FMNL1: variants seen among roughly 807,000 people sequenced by gnomAD.
The protein encoded by FMNL1 is formin-like protein 1.
In FMNL1, 43 loss-of-function variants were observed where a neutral mutation model predicts 121.3. The ratio of observed to expected loss-of-function variants is 0.35; its 90% CI spans 0.28 to 0.46. FMNL1 has a LOEUF of 0.46. Ranked by LOEUF, FMNL1 falls within the 20% of genes least tolerant of loss-of-function variation. The pLI is 1.00. For synonymous variants in FMNL1, 613 were observed against 613.5 expected, an observed-to-expected ratio of 1.00 and a Z score of 0.01; for missense variants, 1,191 against 1,482.4, an observed-to-expected ratio of 0.80 and a Z score of 3.23.
At position 45,241,229 on chromosome 17, in the gene FMNL1, G is replaced by T; in HGVS notation, c.1331G>T (p.Arg444Leu). 6.2e-7 allele frequency: 1 copy of T among 1,614,012 alleles called. No individual in the cohort carries two copies. Among genetic ancestry groups the T allele is most frequent in the Non-Finnish European group, 8.5e-7 (1 of 1,179,984 alleles). ...GCGCGCAAGGAGTTGGAGACCCTGC[G>T]GGTGAGGCTGGGGCGGGTGGTAGGC... is the stretch of plus-strand genomic sequence containing the variant. ...SQARKELETL[R>L]ERFSESTAMG... Residue 444 changes from arginine (R) to leucine (L), a missense_variant and splice_region_variant, in exon 13 of 27, where the codon CGG becomes CTG. By Grantham distance (102) the Arg-to-Leu change is moderately radical. Coordinates refer to ENST00000331495, the MANE Select transcript of FMNL1 (RefSeq NM_005892.4). This position sits in a 1 kb window ranked among gnomAD's most constrained non-coding sequence, Gnocchi z 7.0.
At chr17:45,236,848 A>C (rs2043561618) in intron 7 of FMNL1, among the ~76,000 whole-genome samples, 1 of 152,260 alleles carries the variant, frequency 6.6e-6, no homozygotes, top group Non-Finnish European at 1.5e-5. Flanking sequence ...GTGGTGGCTC[A>C]TATCTGTAAT....
intron 1 of FMNL1, 35 bp downstream of exon 1, chr17:45,222,288 G>T (rs1331986813): frequency 2.6e-6 from 3 of 1,159,994 alleles, no homozygotes; most frequent in Non-Finnish European, 2.1e-6. Flanking sequence ...GGGCGCGGGC[G>T]GGGGGCGGCA....
intron 1 of FMNL1, among the ~76,000 whole-genome samples, chr17:45,228,629 C>G (rs2043377024): frequency 6.6e-6 from 1 of 152,222 alleles, no homozygotes; most frequent in African/African-American, 2.4e-5. Context: ...GTGCCTTGCA[C>G]AGTAGGCATT....
chr17:45,232,327 C>T, intron 2 of FMNL1, 40 bp from the exon 3 acceptor site: 1 of 1,585,788 alleles, frequency 6.3e-7, no homozygotes, highest in South Asian at 1.1e-5. Flanking sequence ...CCTGGGGTAG[C>T]TCTGGCTGGT....
rs2043857198 is a variant in FMNL1 at position 45,247,161 on chromosome 17, C to T, written c.*303C>T. ...CGCCCCTTCCCCCAAATGCTGCTTG[C>T]AGCACCCACCCTAAAGCCCCCTCCA... On this transcript the variant is annotated 3_prime_UTR_variant, in exon 27 of 27. Coordinates refer to ENST00000331495, the MANE Select transcript of FMNL1 (RefSeq NM_005892.4). 1.7e-6 allele frequency: 1 copy of T among 579,802 alleles called. No homozygotes were observed. Among genetic ancestry groups the T allele is most frequent in the Non-Finnish European group, 3.1e-6 (1 of 323,596 alleles). 35.9% of individuals were successfully genotyped at this position (579,802 alleles called of 1,614,324 possible). A position where few individuals can be genotyped will look rare whatever the true frequency, so the allele number is the denominator to read the frequency against.
At chr17:45,234,663 CAAAAAAA>C (rs58221219) in intron 6 of FMNL1, 14 of 69,152 alleles carry the variant, frequency 2.0e-4, no homozygotes, top group South Asian at 5.5e-4. Context: ...GACCCTGTCT[CAAAAAAA>C]AAAAAAAAAA....
intron 25 of FMNL1, 31 bp downstream of exon 25, chr17:45,246,361 C>A: frequency 6.2e-7 from 1 of 1,614,084 alleles, no homozygotes; most frequent in Non-Finnish European, 8.5e-7. Flanking sequence ...TGGTCTTATC[C>A]TCAGTCTGTC....
rs2043455223 is a variant in FMNL1 at position 45,232,285 on chromosome 17, A to G, written c.214-82A>G. On this transcript the variant is annotated intron_variant, in intron 2 of 26. Transcript: ENST00000331495. ...CTGGGACCTCAGATCGGAGCTGAGA[A>G]TGGGACACTGGGACGAGAACTGGTC... 4 of 1,271,546 alleles carry G rather than the reference A, an allele frequency of 3.1e-6. 1 individual carries two copies. The highest frequency in any genetic ancestry group is 4.5e-6 in the Non-Finnish European group (4 of 885,872). 78.8% of individuals were successfully genotyped at this position (1,271,546 alleles called of 1,614,324 possible).
chr17:45,239,192 G>A (rs901838424), intron 11 of FMNL1, 127 bp downstream of exon 11: 14 of 729,962 alleles, frequency 1.9e-5, no homozygotes, highest in African/African-American at 8.6e-5. Flanking sequence ...GTTGCCTGCC[G>A]TGTGACCTTG....
chr17:45,233,373 C>G lies in FMNL1; in HGVS notation c.401+76C>G. On this transcript the variant is annotated intron_variant, in intron 4 of 26. Transcript: ENST00000331495. The surrounding 1 kb of genome is among the most constrained non-coding windows in gnomAD (Gnocchi z 4.1). ...CAGGCAGCTCCTGGAGCTTCCCCTT[C>G]CTACTCCCCCTGCCCCCTGCACAAG... 3 of 1,427,438 alleles carry G rather than the reference C, an allele frequency of 2.1e-6. No homozygotes were observed. The highest frequency in any genetic ancestry group is 2.9e-6 in the Non-Finnish European group (3 of 1,046,626). The allele number at this position is 1,427,438 out of a possible 1,614,324, so 88.4% of individuals were successfully genotyped here.
At chr17:45,238,469 TG>T in intron 9 of FMNL1, 94 bp from the exon 10 acceptor site, 1 of 1,288,798 alleles carries the variant, frequency 7.8e-7, no homozygotes, top group Non-Finnish European at 1.1e-6. Flanking sequence ...TAGAATTAAC[TG>T]GAGAGGAGCC....
Position 45,236,023 on chromosome 17 carries a change from G to A in FMNL1, c.615-113G>A, listed in dbSNP as rs570339246. 5.0e-6 allele frequency: 4 copies of A among 806,914 alleles called. No individual in the cohort carries two copies. The South Asian group carries it at 6.6e-5, about 13-fold the overall frequency. The allele number at this position is 806,914 out of a possible 1,614,324, so 50.0% of individuals were successfully genotyped here. A position where few individuals can be genotyped will look rare whatever the true frequency, so the allele number is the denominator to read the frequency against. ...GCCTCTTTGGTTGGGTAGATGGGAT[G>A]TGGTGCCGTCAGGTTCCAGATGTGC... On this transcript the variant is annotated intron_variant, in intron 6 of 26. Transcript: ENST00000331495.
chr17:45,237,754 G>A lies in FMNL1; in HGVS notation c.894+115G>A, dbSNP rs1393275692. The A allele has an allele frequency of 8.8e-7, 1 of 1,137,488 alleles. No individual in the cohort carries two copies. The highest frequency in any genetic ancestry group is 1.3e-6 in the Non-Finnish European group (1 of 776,078). The allele number at this position is 1,137,488 out of a possible 1,614,324, so 70.5% of individuals were successfully genotyped here. ...GCTGGGGACATTGGGTGGGCATTTG[G>A]GGAACGCCCAAAAGTTGAAGTTGAG... On this transcript the variant is annotated intron_variant, in intron 9 of 26. Coordinates refer to ENST00000331495, the MANE Select transcript of FMNL1 (RefSeq NM_005892.4). The surrounding 1 kb of genome is among the most constrained non-coding windows in gnomAD (Gnocchi z 4.4).
rs1329371874 is a variant in FMNL1 at position 45,237,059 on chromosome 17, G to A, written c.724-222G>A. On this transcript the variant is annotated intron_variant, in intron 7 of 26. Transcript: ENST00000331495. The surrounding 1 kb of genome is among the most constrained non-coding windows in gnomAD (Gnocchi z 4.4). ...CTTGAACCCGGGAGGCAGAGACTGCGGTGAGCTGAGATGGCGCCACTGCGC... is the reference window on the plus strand; with the variant it reads ...CTTGAACCCGGGAGGCAGAGACTGCAGTGAGCTGAGATGGCGCCACTGCGC... 1.3e-5 allele frequency among the ~76,000 whole-genome samples: 2 copies of A among 152,212 alleles called. No individual in the cohort carries two copies. Among genetic ancestry groups the A allele is most frequent in the Non-Finnish European group, 2.9e-5 (2 of 68,046 alleles).
rs2043859886 is a variant in FMNL1, at chr17:45,247,290, A to G, written c.*432A>G. On this transcript the variant is annotated 3_prime_UTR_variant, in exon 27 of 27. Coordinates refer to ENST00000331495, the MANE Select transcript of FMNL1 (RefSeq NM_005892.4). Reference sequence around the variant, plus strand: ...AGGACCGTCCATGGACCTTATTTTTATATGAGATTAATAAAGATGTTTGCA... The same window carrying G: ...AGGACCGTCCATGGACCTTATTTTTGTATGAGATTAATAAAGATGTTTGCA... 3.0e-6 allele frequency: 1 copy of G among 336,282 alleles called. No individual in the cohort carries two copies. Among genetic ancestry groups the G allele is most frequent in the East Asian group, 4.8e-5 (1 of 20,836 alleles). 20.8% of individuals were successfully genotyped at this position (336,282 alleles called of 1,614,324 possible). A position where few individuals can be genotyped will look rare whatever the true frequency, so the allele number is the denominator to read the frequency against.
Position 45,241,860 on chromosome 17 carries a change from A to G in FMNL1, c.1599A>G (p.Ala533=). 2.8e-6 allele frequency: 4 copies of G among 1,430,424 alleles called. No homozygotes were observed. The highest frequency in any genetic ancestry group is 3.6e-6 in the Non-Finnish European group (4 of 1,101,578). 88.6% of individuals were successfully genotyped at this position (1,430,424 alleles called of 1,614,324 possible). Residue 533 remains alanine (A), a synonymous_variant, in exon 15 of 27, where the codon GCA becomes GCG. Transcript: ENST00000331495. This position sits in a 1 kb window ranked among gnomAD's most constrained non-coding sequence, Gnocchi z 7.0. The part of the protein sequence containing the change: ...TGSPSPDLAP[A]AEPAPGAAPP... ...TCGCTGGCTCAGATCTCGCACCTGC[A>G]GCAGAGCCGGCTCCCGGAGCAGCGC...
In FMNL1 at chr17:45,233,609, T is replaced by G. The variant is rs2043486147; in HGVS notation, c.402-39T>G. The G allele has an allele frequency of 3.7e-6, 6 of 1,612,472 alleles. No individual in the cohort carries two copies. The East Asian group carries it at 1.3e-4, about 36-fold the overall frequency. ...TTCTGTGCCCATGTGGGGCAGGACC[T>G]CCTTTCTGGCTGGAGCTCAGGGAGC... On this transcript the variant is annotated intron_variant, in intron 4 of 26. Coordinates refer to ENST00000331495, the MANE Select transcript of FMNL1 (RefSeq NM_005892.4). This position sits in a 1 kb window ranked among gnomAD's most constrained non-coding sequence, Gnocchi z 4.1.
chr17:45,237,924 CTTGGTT>C lies in FMNL1; in HGVS notation c.894+286_894+291del. The C allele has an allele frequency of 2.7e-6, 1 of 374,718 alleles. No homozygotes were observed. Among genetic ancestry groups the C allele is most frequent in the South Asian group, 3.1e-5 (1 of 31,924 alleles). 23.2% of individuals were successfully genotyped at this position (374,718 alleles called of 1,614,324 possible). On this transcript the variant is annotated intron_variant, in intron 9 of 26. Coordinates refer to ENST00000331495, the MANE Select transcript of FMNL1 (RefSeq NM_005892.4). The surrounding 1 kb of genome is among the most constrained non-coding windows in gnomAD (Gnocchi z 4.4). ...TCAGCCTTGCCAGATCCAAACTAGC[CTTGGTT>C]CATACCTCCAGGAGTTGCGGACTCT...
rs762664961 is a variant in FMNL1 at position 45,237,667 on chromosome 17, A to G, written c.894+28A>G. On this transcript the variant is annotated intron_variant, in intron 9 of 26. Coordinates refer to ENST00000331495, the MANE Select transcript of FMNL1 (RefSeq NM_005892.4). This position sits in a 1 kb window ranked among gnomAD's most constrained non-coding sequence, Gnocchi z 4.4. ...ACCGGAGTCCCTCACCCAAACATGC[A>G]TTTCCCCCTATGGTGTTGCTTGGAG... The G allele has an allele frequency of 3.7e-5, 60 of 1,610,720 alleles. No homozygotes were observed. In the African/African-American group the frequency reaches 5.7e-4, roughly 15 times the overall value.
Sources: allele counts gnomAD v4.1 joint callset (sites outside exome capture counted in the v4.1 genomes callset), GRCh38; gene constraint gnomAD v4.1.1; non-coding constraint Gnocchi (gnomAD v3.1); transcripts MANE v1.5; gene names NCBI Gene and HGNC (gene_info 2026-07-23, HGNC 2026-07-21).